DYSF: variants seen among roughly 807,000 people sequenced by gnomAD.
The protein encoded by DYSF is dystrophy-associated fer-1-like 1.
DYSF carries 212 observed loss-of-function variants against 274.9 expected under a neutral mutation model. The ratio of observed to expected loss-of-function variants is 0.77; its 90% CI spans 0.69 to 0.86. The LOEUF is 0.86. DYSF is among the 40% of genes least tolerant of loss of function. The probability of loss-of-function intolerance (pLI) is 0.00; values close to 1 mark genes in which losing one functional copy is unlikely to be tolerated. For missense variants in DYSF, 2,666 were observed against 2,783.2 expected (o/e 0.96, Z 0.95); for synonymous variants, 1,091 against 1,078.7 (o/e 1.01, Z -0.22).
At chr2:71,528,454 C>CT (rs1442874533) in intron 14 of DYSF, 53 bp downstream of exon 14, 22 of 1,463,922 alleles carry the variant, frequency 1.5e-5, no homozygotes, top group Middle Eastern at 1.7e-4. Context: ...TTCTGGTGCC[C>CT]TGTGGACTGT....
intron 51 of DYSF, among the ~76,000 whole-genome samples, chr2:71,670,908 G>C (rs981528451): frequency 6.6e-6 from 1 of 152,112 alleles, no homozygotes; most frequent in Middle Eastern, 3.2e-3. Context: ...CCAACTCAAG[G>C]GGGTAAATGC....
chr2:71,570,853 C>G, intron 29 of DYSF, 112 bp downstream of exon 29: 2 of 1,473,832 alleles, frequency 1.4e-6, no homozygotes, highest in South Asian at 2.5e-5. Flanking sequence ...ACAGCATGCA[C>G]AGACACCTGG....
At chr2:71,554,825 C>T (rs1233394016) in intron 21 of DYSF, among the ~76,000 whole-genome samples, 1 of 152,106 alleles carries the variant, frequency 6.6e-6, no homozygotes, top group Non-Finnish European at 1.5e-5. Context: ...GGCACTTGGC[C>T]AGAATGGAGG....
At position 71,567,974 on chromosome 2, in the gene DYSF, C is replaced by T. The variant is rs551942312; in HGVS notation, c.2589C>T (p.Gly863=). The T allele has an allele frequency of 4.0e-5, 64 of 1,614,066 alleles. No individual in the cohort carries two copies. The highest frequency in any genetic ancestry group is 3.2e-4 in the African/African-American group (24 of 74,996). Residue 863 remains glycine, a synonymous_variant, in exon 25 of 56, where the codon GGC becomes GGT. Coordinates refer to ENST00000410020, the MANE Select transcript of DYSF (RefSeq NM_001130987.2). ...AGTATCCGATGGAGAAGGTGCCTGGCGCCCGGATGCCAGTGCAGATACGGG... is the reference window on the plus strand; with the variant it reads ...AGTATCCGATGGAGAAGGTGCCTGGTGCCCGGATGCCAGTGCAGATACGGG... ...FLKYPMEKVP[G]ARMPVQIRVK...
At position 71,664,517 on chromosome 2, in the gene DYSF, G is replaced by A. The variant is rs1413123423; in HGVS notation, c.5174+79G>A. The A allele has an allele frequency of 4.5e-6, 7 of 1,565,510 alleles. No homozygotes were observed. The African/African-American group carries it at 9.5e-5, about 21-fold the overall frequency. ...TTCTCTGACAACACACCACCACTGA[G>A]CACTTACTGTGTGCCAGCCCTGGGC... On this transcript the variant is annotated intron_variant, in intron 46 of 55. Transcript: ENST00000410020.
At chr2:71,461,900 GA>G (rs1470769334), upstream of DYSF, among the ~76,000 whole-genome samples, 7 of 152,206 alleles carry the variant, frequency 4.6e-5, no homozygotes, top group Admixed American at 4.6e-4. Context: ...TAAGCCTTGG[GA>G]AAATCAATTT....
Position 71,660,587 on chromosome 2 carries a change from G to C in DYSF, c.4939G>C (p.Gly1647Arg). The C allele has an allele frequency of 6.2e-7, 1 of 1,614,088 alleles. No individual in the cohort carries two copies. The highest frequency in any genetic ancestry group is 1.1e-5 in the South Asian group (1 of 91,066). The change falls in exon 45 of 56, where the codon GGG becomes CGG. Residue 1647 changes from glycine to arginine, a missense_variant. Gly to Arg is a moderately radical substitution (Grantham distance 125). Transcript: ENST00000410020. Reference sequence around the variant, plus strand: ...TGATCCTTACATCAAGATCTCCATAGGGAAGAAATCAGTGAGTGACCAGGA... The same window carrying C: ...TGATCCTTACATCAAGATCTCCATACGGAAGAAATCAGTGAGTGACCAGGA... ...KCDPYIKISI[G>R]KKSVSDQDNY... is the part of the protein sequence containing the mutation.
intron 4 of DYSF, among the ~76,000 whole-genome samples, chr2:71,507,513 C>G (rs1242088699): frequency 1.3e-5 from 2 of 152,200 alleles, no homozygotes; most frequent in South Asian, 4.1e-4. Context: ...GACATCAGCT[C>G]CATGGGGGCA....
rs1553556062 is a variant in DYSF at position 71,570,668 on chromosome 2, A to G, written c.3155A>G (p.Tyr1052Cys). Residue 1052 changes from tyrosine (Y) to cysteine (C), a missense_variant, in exon 29 of 56, where the codon TAC becomes TGC. Transcript: ENST00000410020. ...CACTGGGTCCCTGCTGAGAAGATGT[A>G]CTACACACACCGACGGCGGCGCTGG... The part of the protein sequence containing the change: ...PKHWVPAEKM[Y>C]YTHRRRRWVR... The G allele has an allele frequency of 6.2e-7, 1 of 1,614,122 alleles. No individual in the cohort carries two copies. The highest frequency in any genetic ancestry group is 1.1e-5 in the South Asian group (1 of 91,084).
intron 55 of DYSF, among the ~76,000 whole-genome samples, chr2:71,684,745 T>A (rs1350942890): frequency 6.6e-6 from 1 of 152,194 alleles, no homozygotes; most frequent in African/African-American, 2.4e-5. Context: ...AATCTGCATG[T>A]AGGCACATGA....
chr2:71,483,450 G>A (rs755790284), intron 3 of DYSF, among the ~76,000 whole-genome samples: 1 of 152,178 alleles, frequency 6.6e-6, no homozygotes, highest in Non-Finnish European at 1.5e-5. Flanking sequence ...GCAGGGGTAG[G>A]CTTTGAAAAG....
chr2:71,506,519 G>A (rs541694579), intron 4 of DYSF, among the ~76,000 whole-genome samples: 3 of 152,306 alleles, frequency 2.0e-5, no homozygotes, highest in African/African-American at 7.2e-5. Context: ...GGGCTGTCAG[G>A]CGCGGGACCC....
intron 3 of DYSF, among the ~76,000 whole-genome samples, chr2:71,483,529 C>G (rs1033818537): frequency 6.6e-6 from 1 of 152,104 alleles, no homozygotes; most frequent in Admixed American, 6.5e-5. Flanking sequence ...ACAGGTGGGA[C>G]TCAGTCTCAC....
At chr2:71,490,654 A>G (rs1454345970) in intron 3 of DYSF, among the ~76,000 whole-genome samples, 1 of 152,156 alleles carries the variant, frequency 6.6e-6, no homozygotes, top group East Asian at 1.9e-4. Flanking sequence ...GACTTTTCCT[A>G]AGTTATCTAC....
chr2:71,482,805 G>A (rs941630634), intron 3 of DYSF, among the ~76,000 whole-genome samples: 1 of 152,144 alleles, frequency 6.6e-6, no homozygotes, highest in East Asian at 1.9e-4. Flanking sequence ...AGGCAGCTGC[G>A]TTAGATGCCA....
At chr2:71,557,542 G>C (rs1190184798) in intron 22 of DYSF, among the ~76,000 whole-genome samples, 2 of 152,136 alleles carry the variant, frequency 1.3e-5, no homozygotes, top group Non-Finnish European at 2.9e-5. Flanking sequence ...TGGTGGTGGC[G>C]GCGAATGGCA....
chr2:71,669,191 G>C lies in DYSF; in HGVS notation c.5626G>C (p.Asp1876His), dbSNP rs398123794. The change falls in exon 50 of 56, where the codon GAC becomes CAC. Residue 1876 changes from aspartate (D) to histidine (H), a missense_variant. Transcript: ENST00000410020. ...DLSLTGEKMS[D>H]IYVKGWMIGF... ...GAGCCTCACGGGGGAGAAGATGAGC[G>C]ACATTTATGTGAAAGGGTAGGGAGC... is the stretch of plus-strand genomic sequence containing the variant. 1 of 1,608,280 alleles carries C rather than the reference G, an allele frequency of 6.2e-7. No individual in the cohort carries two copies. Among genetic ancestry groups the C allele is most frequent in the Admixed American group, 1.7e-5 (1 of 59,244 alleles).
At chr2:71,456,662 C>T (rs992977253) in intron 1 of DYSF, among the ~76,000 whole-genome samples, 4 of 152,178 alleles carry the variant, frequency 2.6e-5, no homozygotes, top group African/African-American at 9.6e-5. Flanking sequence ...ATTGCAAGCT[C>T]ACAGAAGCTT....
intron 16 of DYSF, among the ~76,000 whole-genome samples, chr2:71,537,344 C>T (rs916570202): frequency 1.4e-5 from 2 of 146,972 alleles, no homozygotes; most frequent in Non-Finnish European, 3.0e-5. Context: ...CTCCCAGGTT[C>T]AAGCGATTCT....
Sources: gnomAD v4.1 joint callset for allele counts (sites outside exome capture counted in the v4.1 genomes callset) on GRCh38, gnomAD v4.1.1 for gene constraint, MANE v1.5 for transcripts, NCBI Gene and HGNC (gene_info 2026-07-23, HGNC 2026-07-21) for gene names.